EIPR1: variants seen among roughly 807,000 people sequenced by gnomAD.
EIPR1 encodes the protein EARP and GARP complex-interacting protein 1.
In EIPR1, 25 loss-of-function variants were observed where a neutral mutation model predicts 48.1. The observed-to-expected ratio is 0.52, with a 90% CI of 0.38 to 0.73. The LOEUF is 0.73. Ranked by LOEUF, EIPR1 falls within the 30% of genes least tolerant of loss-of-function variation. EIPR1 has a pLI of 0.00. For missense variants in EIPR1, 415 were observed against 506.2 expected, an observed-to-expected ratio of 0.82 and a Z score of 1.73; for synonymous variants, 204 against 201.9, an observed-to-expected ratio of 1.01 and a Z score of -0.09.
At chr2:3,253,366 G>A (rs1031828592) in intron 4 of EIPR1, among the ~76,000 whole-genome samples, 3 of 152,030 alleles carry the variant, frequency 2.0e-5, no homozygotes, top group African/African-American at 4.8e-5. Context: ...ACCACCTTGG[G>A]CACATGTTCC....
intron 4 of EIPR1, among the ~76,000 whole-genome samples, chr2:3,230,369 G>A (rs566229658): frequency 7.2e-5 from 11 of 152,174 alleles, no homozygotes; most frequent in South Asian, 2.1e-4. Flanking sequence ...AAATCTGTGC[G>A]TGTGCAGAAA....
intron 2 of EIPR1, among the ~76,000 whole-genome samples, chr2:3,340,988 T>C (rs936624011): frequency 7.4e-5 from 11 of 148,184 alleles, no homozygotes; most frequent in Non-Finnish European, 1.6e-4. Flanking sequence ...TCTCAACTAC[T>C]TGGGGGACTG....
chr2:3,209,112 A>C (rs368525790), intron 5 of EIPR1, among the ~76,000 whole-genome samples: 1 of 152,204 alleles, frequency 6.6e-6, no homozygotes, highest in African/African-American at 2.4e-5. Flanking sequence ...AAGCACAACG[A>C]AAGCCTGGAC....
At position 3,302,676 on chromosome 2, in the gene EIPR1, G is replaced by A. The variant is rs542018561; in HGVS notation, c.259+35341C>T. On this transcript the variant is annotated intron_variant, in intron 3 of 8. Coordinates refer to ENST00000382125, the MANE Select transcript of EIPR1 (RefSeq NM_003310.5). ...TGGCCATTGCCAGAAGCCCAGGCCC[G>A]CTGCGGATCCACAGCCCTCCCTGCA... 2.0e-4 allele frequency among the ~76,000 whole-genome samples: 30 copies of A among 152,318 alleles called. 1 individual carries two copies. In the South Asian group the frequency reaches 6.2e-3, roughly 32 times the overall value.
intron 3 of EIPR1, among the ~76,000 whole-genome samples, chr2:3,273,530 CA>C (rs11287109): frequency 0.69 from 103,790 of 151,502 alleles, 35,849 homozygotes; most frequent in East Asian, 0.81. Flanking sequence ...CACACACACG[CA>C]AAAAAAAACC....
At chr2:3,362,043 C>T (rs139898001) in intron 1 of EIPR1, among the ~76,000 whole-genome samples, 20 of 152,356 alleles carry the variant, frequency 1.3e-4, no homozygotes, top group Non-Finnish European at 2.2e-4. Context: ...AAATGCGAAT[C>T]TGGTGCCCAG....
intron 5 of EIPR1, among the ~76,000 whole-genome samples, chr2:3,203,818 G>A (rs1470946931): frequency 1.3e-5 from 2 of 152,240 alleles, no homozygotes; most frequent in South Asian, 2.1e-4. Flanking sequence ...GGGCCACACG[G>A]CCAGGAGCTG....
At chr2:3,317,425 C>T (rs563362837) in intron 3 of EIPR1, among the ~76,000 whole-genome samples, 48 of 151,196 alleles carry the variant, frequency 3.2e-4, no homozygotes, top group African/African-American at 1.1e-3. Flanking sequence ...GGGTGGAGCA[C>T]GGAGCCCTGG....
Position 3,286,416 on chromosome 2 carries a change from G to A in EIPR1, c.260-28961C>T, listed in dbSNP as rs904863016. Among the ~76,000 whole-genome samples, 2 of 152,236 alleles carry A rather than the reference G, an allele frequency of 1.3e-5. No homozygotes were observed. Among genetic ancestry groups the A allele is most frequent in the African/African-American group, 4.8e-5 (2 of 41,544 alleles). On this transcript the variant is annotated intron_variant, in intron 3 of 8. Transcript: ENST00000382125. This position sits in a 1 kb window ranked among gnomAD's most constrained non-coding sequence, Gnocchi z 4.2. ...GAAGCCCCAGGAGTGGGCCCAGAAGGAGCAGTGCCAAGGACCCCCGGGGGT... is the reference window on the plus strand; with the variant it reads ...GAAGCCCCAGGAGTGGGCCCAGAAGAAGCAGTGCCAAGGACCCCCGGGGGT...
intron 1 of EIPR1, among the ~76,000 whole-genome samples, chr2:3,377,161 C>A (rs894777326): frequency 3.9e-5 from 6 of 152,242 alleles, no homozygotes; most frequent in Non-Finnish European, 5.9e-5. Flanking sequence ...ATGTTAATTT[C>A]TAAGCTGTGA....
At chr2:3,290,165 C>A (rs544992608) in intron 3 of EIPR1, among the ~76,000 whole-genome samples, 1 of 152,356 alleles carries the variant, frequency 6.6e-6, no homozygotes, top group South Asian at 2.1e-4. Flanking sequence ...ACAGGCCCAG[C>A]ATACAGGGCA....
At chr2:3,213,625 C>T (rs1156473155) in intron 5 of EIPR1, among the ~76,000 whole-genome samples, 3 of 152,218 alleles carry the variant, frequency 2.0e-5, no homozygotes, top group Admixed American at 1.3e-4. Context: ...CCACTCCCTC[C>T]TTTGCTCAAA....
At chr2:3,217,180 G>A (rs1665667902) in intron 4 of EIPR1, among the ~76,000 whole-genome samples, 1 of 152,176 alleles carries the variant, frequency 6.6e-6, no homozygotes, top group East Asian at 1.9e-4. Context: ...TTGGGGAGAA[G>A]GAAGCAAAAA....
chr2:3,216,649 G>C (rs1179836319), intron 4 of EIPR1, among the ~76,000 whole-genome samples: 1 of 152,142 alleles, frequency 6.6e-6, no homozygotes, highest in East Asian at 1.9e-4. Flanking sequence ...CTCCTTTGGT[G>C]CCATAAATAT....
intron 3 of EIPR1, among the ~76,000 whole-genome samples, chr2:3,267,040 T>G (rs1441367513): frequency 6.6e-6 from 1 of 152,144 alleles, no homozygotes; most frequent in African/African-American, 2.4e-5. Flanking sequence ...CCCCACACCC[T>G]GAATCAATGC....
intron 3 of EIPR1, among the ~76,000 whole-genome samples, chr2:3,316,999 A>G (rs1364766583): frequency 6.6e-6 from 1 of 152,208 alleles, no homozygotes; most frequent in Non-Finnish European, 1.5e-5. Context: ...GAGACCCAGG[A>G]GCACATGAAG....
intron 1 of EIPR1, among the ~76,000 whole-genome samples, chr2:3,363,010 G>T (rs1167593565): frequency 6.6e-6 from 1 of 152,240 alleles, no homozygotes. Flanking sequence ...AAGCTAAGGG[G>T]AGAGGTGTTG....
At chr2:3,196,269 G>C (rs1664804418) in intron 6 of EIPR1, among the ~76,000 whole-genome samples, 2 of 152,190 alleles carry the variant, frequency 1.3e-5, no homozygotes, top group African/African-American at 4.8e-5. Context: ...ATAAATTATG[G>C]TGTGCTGAGG....
At chr2:3,347,029 T>C (rs990710772) in intron 2 of EIPR1, among the ~76,000 whole-genome samples, 5 of 152,116 alleles carry the variant, frequency 3.3e-5, no homozygotes, top group Admixed American at 3.3e-4. Flanking sequence ...TATCTGGCCA[T>C]TGAAGCATGT....
Sources: allele counts gnomAD v4.1 joint callset (sites outside exome capture counted in the v4.1 genomes callset), GRCh38; gene constraint gnomAD v4.1.1; non-coding constraint Gnocchi (gnomAD v3.1); transcripts MANE v1.5; gene names NCBI Gene and HGNC (gene_info 2026-07-23, HGNC 2026-07-21).